The following AOPEP variants were observed in gnomAD, a reference collection of about 807,000 sequenced individuals.
AOPEP encodes aminopeptidase O (putative), also known as aminopeptidase O.
In AOPEP, 77 loss-of-function variants were observed where a neutral mutation model predicts 98.1. The observed-to-expected ratio is 0.78, with a 90% confidence interval of 0.65 to 0.95. AOPEP has a LOEUF of 0.95. Among genes scored for constraint, AOPEP ranks in the 40% least tolerant of loss-of-function variants. The pLI is 0.00. For missense variants in AOPEP, 1,024 were observed against 1,024.7 expected, an observed-to-expected ratio of 1.00 and a Z score of 0.01; for synonymous variants, 346 against 365.3, an observed-to-expected ratio of 0.95 and a Z score of 0.60.
intron 5 of AOPEP, among the ~76,000 whole-genome samples, chr9:94,850,480 C>T (rs962215881): frequency 2.6e-5 from 4 of 152,108 alleles, no homozygotes; most frequent in Non-Finnish European, 5.9e-5. Flanking sequence ...ACCTTTAATC[C>T]TCATTTCATC....
intron 13 of AOPEP, among the ~76,000 whole-genome samples, chr9:95,007,392 G>A (rs1047862289): frequency 6.6e-6 from 1 of 151,522 alleles, no homozygotes; most frequent in Non-Finnish European, 1.5e-5. Flanking sequence ...AGAAAGTGGG[G>A]GGGGGACTGA....
chr9:94,910,566 T>G (rs1031282380), intron 5 of AOPEP, among the ~76,000 whole-genome samples: 1 of 152,224 alleles, frequency 6.6e-6, no homozygotes, highest in Non-Finnish European at 1.5e-5. Flanking sequence ...TTTAACCTAT[T>G]GCACCTGGCT....
chr9:94,767,189 A>G (rs1416192637), intron 2 of AOPEP, among the ~76,000 whole-genome samples: 1 of 152,238 alleles, frequency 6.6e-6, no homozygotes, highest in East Asian at 1.9e-4. Context: ...CTAAAGTGGA[A>G]TACACATTAA....
At chr9:94,877,406 T>C (rs943991671) in intron 5 of AOPEP, among the ~76,000 whole-genome samples, 38 of 148,224 alleles carry the variant, frequency 2.6e-4, no homozygotes, top group Non-Finnish European at 3.9e-4. Flanking sequence ...AAAATGACCC[T>C]ACTGGATTTT....
At chr9:94,809,716 A>G (rs908582256) in intron 5 of AOPEP, among the ~76,000 whole-genome samples, 3 of 152,250 alleles carry the variant, frequency 2.0e-5, no homozygotes, top group Non-Finnish European at 2.9e-5. Context: ...TTATTTATTT[A>G]TAAGTTATAT....
chr9:94,941,816 G>A (rs1467916130), intron 7 of AOPEP, among the ~76,000 whole-genome samples: 1 of 152,014 alleles, frequency 6.6e-6, no homozygotes, highest in Admixed American at 6.6e-5. Context: ...ACATCTAGTA[G>A]GGTCCTTTTT....
chr9:94,911,519 C>T (rs1037101310), intron 5 of AOPEP, among the ~76,000 whole-genome samples: 5 of 151,936 alleles, frequency 3.3e-5, no homozygotes, highest in Non-Finnish European at 4.4e-5. Flanking sequence ...TTTTTCACAG[C>T]GTCTGAAAAA....
In AOPEP at chr9:94,849,709, A is replaced by G. The variant is rs1173575993; in HGVS notation, c.1364+48707A>G. 4.8e-4 allele frequency among the ~76,000 whole-genome samples: 73 copies of G among 152,056 alleles called. 1 individual carries two copies. The highest frequency in any genetic ancestry group is 4.8e-3 in the Admixed American group (73 of 15,264). ...CTTGCAACCTAGATCCCTCTCATGC[A>G]CAGTTCACAATTGGGTTTGTGCTCC... On this transcript the variant is annotated intron_variant, in intron 5 of 16. Transcript: ENST00000375315.
intron 11 of AOPEP, among the ~76,000 whole-genome samples, chr9:95,000,772 CCTCT>C (rs1174175610): frequency 6.6e-6 from 1 of 151,896 alleles, no homozygotes; most frequent in African/African-American, 2.4e-5. Flanking sequence ...GCTCCTAATC[CCTCT>C]GTTATTTTTG....
chr9:94,733,116 T>C (rs1439095671), intron 1 of AOPEP, among the ~76,000 whole-genome samples: 5 of 150,116 alleles, frequency 3.3e-5, no homozygotes, highest in Non-Finnish European at 5.9e-5. Context: ...TTTTTTTTTT[T>C]TTTTTTTTGA....
At chr9:94,791,167 G>T (rs750428632) in intron 3 of AOPEP, among the ~76,000 whole-genome samples, 12 of 152,092 alleles carry the variant, frequency 7.9e-5, no homozygotes, top group Non-Finnish European at 1.6e-4. Context: ...TCATAAAAAA[G>T]AATGAGATAA....
intron 7 of AOPEP, among the ~76,000 whole-genome samples, chr9:94,947,638 A>C (rs1244811069): frequency 2.0e-5 from 3 of 152,186 alleles, no homozygotes; most frequent in Admixed American, 6.5e-5. Context: ...ACATTCTTTG[A>C]GTGCTTTTAA....
At chr9:95,124,362 TGAAAGGTGAAAGC>T in the AOPEP span, among the ~76,000 whole-genome samples, 1 of 152,142 alleles carries the variant, frequency 6.6e-6, no homozygotes, top group Admixed American at 6.5e-5. Flanking sequence ...ATATATATGC[TGAAAGGTGAAAGC>T]TCGCTGGTAG....
intron 13 of AOPEP, among the ~76,000 whole-genome samples, chr9:95,032,977 A>G (rs913257415): frequency 2.6e-5 from 4 of 152,170 alleles, no homozygotes. Flanking sequence ...TCATTTTAGA[A>G]TGGCTGTTTT....
At chr9:95,099,334 G>T in the AOPEP span, 1 of 227,226 alleles carries the variant, frequency 4.4e-6, no homozygotes, top group Non-Finnish European at 8.7e-6. Context: ...CCTTGGTCCA[G>T]TTCCTTCCAG....
chr9:94,846,299 T>A (rs1318094051), intron 5 of AOPEP, among the ~76,000 whole-genome samples: 1 of 152,082 alleles, frequency 6.6e-6, no homozygotes, highest in East Asian at 1.9e-4. Context: ...GTCAGGAATA[T>A]CAGCTGCTGA....
chr9:95,144,093 A>G, the AOPEP span, among the ~76,000 whole-genome samples: 1 of 152,138 alleles, frequency 6.6e-6, no homozygotes, highest in Non-Finnish European at 1.5e-5. Flanking sequence ...TTGGTCAAAG[A>G]AAGCATGTGG....
intron 5 of AOPEP, among the ~76,000 whole-genome samples, chr9:94,913,435 G>A (rs570665948): frequency 6.6e-6 from 1 of 152,276 alleles, no homozygotes; most frequent in African/African-American, 2.4e-5. Context: ...GAAATAAGAA[G>A]GATATTGTCT....
chr9:94,745,497 G>A (rs1162673855), intron 1 of AOPEP, among the ~76,000 whole-genome samples: 1 of 151,896 alleles, frequency 6.6e-6, no homozygotes, highest in East Asian at 1.9e-4. Context: ...GGTTGGTCTC[G>A]ATCTCCTGAC....
Sources: allele counts gnomAD v4.1 joint callset (sites outside exome capture counted in the v4.1 genomes callset), GRCh38; gene constraint gnomAD v4.1.1; transcripts MANE v1.5; gene names NCBI Gene and HGNC (gene_info 2026-07-23, HGNC 2026-07-21).